The following DNAH5 variants were observed in gnomAD, a reference collection of about 807,000 sequenced individuals.
DNAH5 encodes dynein axonemal heavy chain 5.
DNAH5 carries 372 observed loss-of-function variants against 518.2 expected under a neutral mutation model. The observed-to-expected ratio is 0.72, with a 90% CI of 0.66 to 0.78. The LOEUF (loss-of-function observed/expected upper bound fraction) is 0.78, where lower values mean the gene tolerates loss of function less well. Among genes scored for constraint, DNAH5 ranks in the 30% least tolerant of loss-of-function variants. The probability of loss-of-function intolerance (pLI) is 0.00; values close to 1 mark genes in which losing one functional copy is unlikely to be tolerated. For synonymous variants in DNAH5, 2,039 were observed against 2,025.9 expected (o/e 1.01, Z -0.17); for missense variants, 5,523 against 5,687.0 (o/e 0.97, Z 0.93).
At chr5:13,847,075 C>T (rs1003805401) in intron 31 of DNAH5, among the ~76,000 whole-genome samples, 1 of 152,076 alleles carries the variant, frequency 6.6e-6, no homozygotes, top group African/African-American at 2.4e-5. Flanking sequence ...GTGTGACAGC[C>T]AAACTCCTGA....
At chr5:13,890,538 C>G (rs10462712) in intron 17 of DNAH5, among the ~76,000 whole-genome samples, 14,908 of 152,158 alleles carry the variant, frequency 0.098, 871 homozygotes, top group Non-Finnish European at 0.13. Flanking sequence ...CTCAGGATTC[C>G]CAGCAATGGC....
At chr5:13,831,867 T>C (rs1041830967) in intron 35 of DNAH5, among the ~76,000 whole-genome samples, 3 of 152,156 alleles carry the variant, frequency 2.0e-5, no homozygotes, top group African/African-American at 7.2e-5. Context: ...CAGAGAACCC[T>C]GGAAGGAAGC....
chr5:13,727,433 TA>T (rs747734388), intron 70 of DNAH5, 73 bp downstream of exon 70: 34 of 1,380,938 alleles, frequency 2.5e-5, no homozygotes, highest in Non-Finnish European at 3.3e-5. Context: ...ACATTTAAAA[TA>T]TTTTTTTTAA....
intron 1 of DNAH5, among the ~76,000 whole-genome samples, chr5:13,958,554 T>C (rs1780936154): frequency 6.6e-6 from 1 of 152,192 alleles, no homozygotes; most frequent in Non-Finnish European, 1.5e-5. Flanking sequence ...TGCCTCAATA[T>C]TACTCTTACA....
intron 38 of DNAH5, among the ~76,000 whole-genome samples, chr5:13,827,625 C>T (rs903650335): frequency 6.0e-5 from 9 of 151,048 alleles, no homozygotes; most frequent in African/African-American, 2.2e-4. Context: ...TGAGTTAAGA[C>T]TTTGAGGGAC....
chr5:13,796,454 C>T (rs1087775), intron 47 of DNAH5, among the ~76,000 whole-genome samples: 52,946 of 151,892 alleles, frequency 0.35, 9,649 homozygotes, highest in Middle Eastern at 0.43. Flanking sequence ...TTCACAATGG[C>T]TACAAAGAGA....
intron 68 of DNAH5, among the ~76,000 whole-genome samples, chr5:13,730,841 C>T (rs1409007289): frequency 2.6e-5 from 4 of 151,866 alleles, no homozygotes; most frequent in Non-Finnish European, 5.9e-5. Context: ...GCGGGGATTA[C>T]AGGCATGCAT....
Position 13,840,990 on chromosome 5 carries a change from C to T in DNAH5, c.5625G>A (p.Thr1875=), listed in dbSNP as rs1054334590. 9.9e-6 allele frequency: 16 copies of T among 1,614,156 alleles called. No homozygotes were observed. The highest frequency in any genetic ancestry group is 2.2e-5 in the East Asian group (1 of 44,878). ...CTCGTTCCGTGGAACTCAGATCCCT[C>T]GTGGTGACGTCTATCAATGTATTGA... ...ELLNTLIDVT[T]RDLSSTERVK... is the part of the protein sequence containing the mutation. The change falls in exon 34 of 79, where the codon ACG becomes ACA. Residue 1875 remains threonine (T), a synonymous_variant. Coordinates refer to ENST00000265104, the MANE Select transcript of DNAH5 (RefSeq NM_001369.3).
In DNAH5 at chr5:13,810,252, G is replaced by C. The variant is rs1449691654; in HGVS notation, c.7416C>G (p.Gly2472=). 2 of 1,550,388 alleles carry C rather than the reference G, an allele frequency of 1.3e-6. No homozygotes were observed. The highest frequency in any genetic ancestry group is 1.7e-6 in the Non-Finnish European group (2 of 1,146,806). Residue 2472 remains glycine, a synonymous_variant, in exon 45 of 79, where the codon GGC becomes GGG. Coordinates refer to ENST00000265104, the MANE Select transcript of DNAH5 (RefSeq NM_001369.3). ...CCAGGTGAGCCTGGCTCACCTCCCCGCCTTGCTCCTGAGAAGGAAAGACAC... is the reference window on the plus strand; with the variant it reads ...CCAGGTGAGCCTGGCTCACCTCCCCCCCTTGCTCCTGAGAAGGAAAGACAC... ...LQGLIPLKEQ[G]GEVSQAHLGR...
intron 46 of DNAH5, among the ~76,000 whole-genome samples, 160 bp downstream of exon 46, chr5:13,808,884 C>T (rs1014414080): frequency 2.0e-5 from 3 of 151,974 alleles, no homozygotes; most frequent in Admixed American, 6.6e-5. Context: ...GGCGTGAACC[C>T]GGGAGGTGGA....
rs779267747 is a variant in DNAH5 at position 13,700,717 on chromosome 5, T to A, written c.13646A>T (p.Asn4549Ile). 5.6e-6 allele frequency: 9 copies of A among 1,614,172 alleles called. No individual in the cohort carries two copies. In the Admixed American group the frequency reaches 1.2e-4, roughly 21 times the overall value. ...YLEGAGWDKR[N>I]MKLIESKPKV... ...TGGCTTTGATTCAATGAGTTTCATG[T>A]TCCTCTTGTCCCAGCCAGCACCTTC... Residue 4549 changes from asparagine to isoleucine, a missense_variant, in exon 78 of 79, where the codon AAC (asparagine) becomes ATC (isoleucine). Coordinates refer to ENST00000265104, the MANE Select transcript of DNAH5 (RefSeq NM_001369.3).
chr5:13,808,246 A>AAAG lies in DNAH5; in HGVS notation c.7753-524_7753-522dup, dbSNP rs1554057562. On this transcript the variant is annotated intron_variant, in intron 46 of 78. Transcript: ENST00000265104. ...ATCTCAAAAAAAAAAAAAAAAAAAAAAAGAGGAAATTTGTATACACAAAGA... is the reference window on the plus strand; with the variant it reads ...ATCTCAAAAAAAAAAAAAAAAAAAAAAAGAAGAGGAAATTTGTATACACAAAGA... Among the ~76,000 whole-genome samples, 167 of 143,510 alleles carry AAAG rather than the reference A, an allele frequency of 1.2e-3. 3 individuals carry two copies. The highest frequency in any genetic ancestry group is 3.5e-3 in the African/African-American group (128 of 36,608). The allele number at this position is 143,510 out of a possible 152,430, so 94.1% of individuals were successfully genotyped here.
chr5:13,776,598 C>T lies in DNAH5; in HGVS notation c.9214G>A (p.Asp3072Asn), dbSNP rs749838880. ...TGTCGGACCCGACTCATGAAGTAGT[C>T]GTGCAGGTTCTCATTGGTAGGAAGG... ...RCLPTNENLH[D>N]YFMSRVRQNL... Residue 3072 changes from aspartate (D) to asparagine (N), a missense_variant, in exon 55 of 79, where the codon GAC becomes AAC. Asp to Asn is a conservative substitution (Grantham distance 23). Around this residue, in one of 3 missense-constraint regions of DNAH5, gnomAD observed 5,121 missense variants for 5,223.3 expected, o/e 0.98. Coordinates refer to ENST00000265104, the MANE Select transcript of DNAH5 (RefSeq NM_001369.3). 4 of 1,613,900 alleles carry T rather than the reference C, an allele frequency of 2.5e-6. No individual in the cohort carries two copies. Among genetic ancestry groups the T allele is most frequent in the Non-Finnish European group, 2.5e-6 (3 of 1,179,854 alleles).
intron 1 of DNAH5, among the ~76,000 whole-genome samples, chr5:13,953,675 C>A (rs540240358): frequency 2.0e-4 from 31 of 152,238 alleles, no homozygotes; most frequent in African/African-American, 7.0e-4. Flanking sequence ...AATATTATAT[C>A]ATTCAAAATG....
chr5:13,782,461 G>A (rs771978849), intron 52 of DNAH5, among the ~76,000 whole-genome samples: 5 of 152,120 alleles, frequency 3.3e-5, no homozygotes, highest in African/African-American at 9.7e-5. Flanking sequence ...CCTCCTGCTT[G>A]TCCCCTCTAT....
At chr5:13,988,483 T>C (rs376163455) in intron 1 of DNAH5, among the ~76,000 whole-genome samples, 9 of 151,982 alleles carry the variant, frequency 5.9e-5, no homozygotes, top group East Asian at 3.9e-4. Flanking sequence ...AGTGGCATGA[T>C]CTCAGCTCAC....
chr5:13,852,475 T>C (rs1252599833), intron 30 of DNAH5, among the ~76,000 whole-genome samples: 1 of 152,014 alleles, frequency 6.6e-6, no homozygotes, highest in East Asian at 1.9e-4. Context: ...CCAGTTTATT[T>C]TTTTTTTCGT....
intron 58 of DNAH5, 128 bp downstream of exon 58, chr5:13,768,832 G>T (rs909752899): frequency 9.0e-7 from 1 of 1,106,276 alleles, no homozygotes; most frequent in Non-Finnish European, 1.4e-6. Flanking sequence ...AATATTACTT[G>T]AAATCACTCA....
At chr5:13,787,158 A>C (rs1159115333) in intron 51 of DNAH5, among the ~76,000 whole-genome samples, 1 of 151,698 alleles carries the variant, frequency 6.6e-6, no homozygotes, top group Non-Finnish European at 1.5e-5. Flanking sequence ...GGTTGCCATA[A>C]GCCAAGCCTG....
Sources: gnomAD v4.1 joint callset for allele counts (sites outside exome capture counted in the v4.1 genomes callset) on GRCh38, gnomAD v4.1.1 for gene constraint, gnomAD v4.1.1 regional missense constraint, MANE v1.5 for transcripts, NCBI Gene and HGNC (gene_info 2026-07-23, HGNC 2026-07-21) for gene names.